DAB1: variants seen among roughly 807,000 people sequenced by gnomAD.
DAB1 encodes DAB adaptor protein 1, also known as disabled homolog 1.
In DAB1, 15 loss-of-function variants were observed where a neutral mutation model predicts 64.6. That is an observed-to-expected ratio of 0.23 (90% CI 0.16 to 0.36). The LOEUF (loss-of-function observed/expected upper bound fraction) is 0.36, where lower values mean the gene tolerates loss of function less well. Among genes scored for constraint, DAB1 ranks in the 10% least tolerant of loss-of-function variants. The pLI is 1.00. For synonymous variants in DAB1, 235 were observed against 251.9 expected, an observed-to-expected ratio of 0.93 and a Z score of 0.64; for missense variants, 596 against 706.7, an observed-to-expected ratio of 0.84 and a Z score of 1.78.
chr1:57,766,229 G>A (rs1231164584), intron 6 of DAB1, among the ~76,000 whole-genome samples: 1 of 146,000 alleles, frequency 6.8e-6, no homozygotes, highest in Non-Finnish European at 1.5e-5. Flanking sequence ...GTCCACCCTT[G>A]TCTCTCTATA....
chr1:57,207,249 G>A (rs1003239216), intron 2 of DAB1, among the ~76,000 whole-genome samples: 1 of 151,592 alleles, frequency 6.6e-6, no homozygotes, highest in African/African-American at 2.4e-5. Flanking sequence ...GATTACAGGC[G>A]TGACACACTG....
chr1:57,498,766 A>G (rs1046944071), intron 7 of DAB1, among the ~76,000 whole-genome samples: 1 of 152,122 alleles, frequency 6.6e-6, no homozygotes. Flanking sequence ...CTGGTGGGAG[A>G]TGTGAGGGTC....
intron 5 of DAB1, among the ~76,000 whole-genome samples, chr1:58,033,026 C>T (rs887293557): frequency 1.3e-5 from 2 of 152,264 alleles, no homozygotes; most frequent in Admixed American, 6.5e-5. Context: ...AATGGGCGTG[C>T]CTGGTGCCTT....
chr1:58,333,134 T>A (rs2100496753), intron 4 of DAB1, among the ~76,000 whole-genome samples: 1 of 152,252 alleles, frequency 6.6e-6, no homozygotes, highest in African/African-American at 2.4e-5. Context: ...GGTCTCGAAC[T>A]CCAGACCTGT....
intron 1 of DAB1, among the ~76,000 whole-genome samples, chr1:57,389,585 A>G (rs1384584215): frequency 6.6e-6 from 1 of 152,118 alleles, no homozygotes; most frequent in Non-Finnish European, 1.5e-5. Context: ...TTATCCTAAC[A>G]TCCTTCTGGG....
At chr1:58,088,830 C>T (rs1201509897) in intron 5 of DAB1, among the ~76,000 whole-genome samples, 5 of 152,132 alleles carry the variant, frequency 3.3e-5, no homozygotes, top group Non-Finnish European at 7.3e-5. Flanking sequence ...GCTACAACAC[C>T]ATGTGATAAC....
At chr1:58,538,335 G>A (rs1646550139) in intron 1 of DAB1, among the ~76,000 whole-genome samples, 1 of 152,174 alleles carries the variant, frequency 6.6e-6, no homozygotes, top group African/African-American at 2.4e-5. Flanking sequence ...AACTAGGAGT[G>A]AGCCCACCCT....
intron 7 of DAB1, among the ~76,000 whole-genome samples, chr1:57,569,635 A>G (rs1645169370): frequency 6.6e-6 from 1 of 152,114 alleles, no homozygotes; most frequent in South Asian, 2.1e-4. Flanking sequence ...ATTAGGAGAT[A>G]AACCTAATGT....
chr1:57,072,603 T>C (rs2100599453), intron 4 of DAB1, among the ~76,000 whole-genome samples, 189 bp from the exon 5 acceptor site: 1 of 152,334 alleles, frequency 6.6e-6, no homozygotes, highest in South Asian at 2.1e-4. Flanking sequence ...ATGGTCTTAA[T>C]GCTGTGACCA....
At chr1:57,920,114 C>T (rs1569994451) in intron 5 of DAB1, among the ~76,000 whole-genome samples, 1 of 152,100 alleles carries the variant, frequency 6.6e-6, no homozygotes, top group East Asian at 1.9e-4. Flanking sequence ...GCTATTAAGG[C>T]AGAGAGGTGA....
chr1:58,354,700 C>T (rs760804415), intron 3 of DAB1, among the ~76,000 whole-genome samples: 1 of 152,112 alleles, frequency 6.6e-6, no homozygotes, highest in Admixed American at 6.6e-5. Context: ...GTCAAACAAT[C>T]ACAGAGGATA....
chr1:58,441,728 C>T (rs1645010467), intron 3 of DAB1, among the ~76,000 whole-genome samples: 1 of 152,200 alleles, frequency 6.6e-6, no homozygotes, highest in Non-Finnish European at 1.5e-5. Flanking sequence ...CAGTGGGTGT[C>T]TCTGGCTTGA....
intron 6 of DAB1, among the ~76,000 whole-genome samples, chr1:57,751,857 T>TAA (rs990063145): frequency 2.0e-5 from 3 of 152,022 alleles, no homozygotes; most frequent in South Asian, 2.1e-4. Context: ...AATAAATAAA[T>TAA]AAGACAAACC....
At chr1:58,448,164 C>A (rs1366538821) in intron 3 of DAB1, among the ~76,000 whole-genome samples, 1 of 152,064 alleles carries the variant, frequency 6.6e-6, no homozygotes, top group African/African-American at 2.4e-5. Flanking sequence ...ACCCCTCATG[C>A]CTCATTGGCC....
intron 1 of DAB1, chr1:57,878,765 G>A (rs925772727): frequency 6.6e-6 from 1 of 152,080 alleles, no homozygotes; most frequent in African/African-American, 2.4e-5. Context: ...TAGAACACTA[G>A]AACTTTTTTC....
chr1:57,696,598 A>G (rs2101724117), intron 6 of DAB1, among the ~76,000 whole-genome samples: 1 of 152,278 alleles, frequency 6.6e-6, no homozygotes, highest in East Asian at 1.9e-4. Flanking sequence ...CACCTGGGAA[A>G]AGCATGAATA....
At chr1:58,101,388 G>C (rs1478108114) in intron 5 of DAB1, among the ~76,000 whole-genome samples, 2 of 152,060 alleles carry the variant, frequency 1.3e-5, no homozygotes, top group Non-Finnish European at 2.9e-5. Context: ...AGTTGCTAGG[G>C]GGATCAGTAA....
At chr1:58,226,996 C>T (rs969795959) in intron 4 of DAB1, among the ~76,000 whole-genome samples, 1 of 152,186 alleles carries the variant, frequency 6.6e-6, no homozygotes, top group Non-Finnish European at 1.5e-5. Context: ...ATTTAACTCT[C>T]GAAAGCACTC....
At chr1:57,060,755 C>T (rs909942401) in intron 9 of DAB1, among the ~76,000 whole-genome samples, 31 of 151,824 alleles carry the variant, frequency 2.0e-4, no homozygotes, top group Non-Finnish European at 3.8e-4. Context: ...TTCAGTAGGG[C>T]TGGACCAGAA....
Sources: gnomAD v4.1 joint callset for allele counts (sites outside exome capture counted in the v4.1 genomes callset) on GRCh38, gnomAD v4.1.1 for gene constraint, MANE v1.5 for transcripts, NCBI Gene and HGNC (gene_info 2026-07-23, HGNC 2026-07-21) for gene names.